PHACTR1: variants seen among roughly 807,000 people sequenced by gnomAD.
PHACTR1 encodes the protein phosphatase and actin regulator 1.
PHACTR1 carries 16 observed loss-of-function variants against 69.2 expected under a neutral mutation model. That is an observed-to-expected ratio of 0.23 (90% CI 0.16 to 0.35). The LOEUF (loss-of-function observed/expected upper bound fraction) is 0.35. Among genes scored for constraint, PHACTR1 ranks in the 10% least tolerant of loss-of-function variants. The pLI is 1.00. For missense variants in PHACTR1, 510 were observed against 734.7 expected, an observed-to-expected ratio of 0.69 and a Z score of 3.54; for synonymous variants, 312 against 284.5, an observed-to-expected ratio of 1.10 and a Z score of -0.97.
chr6:13,085,698 T>TA (rs1296924426), intron 5 of PHACTR1, among the ~76,000 whole-genome samples: 4 of 152,038 alleles, frequency 2.6e-5, no homozygotes, highest in Non-Finnish European at 5.9e-5. Flanking sequence ...TATAGAAAGC[T>TA]AAAATGCATG....
At chr6:12,838,391 T>C (rs191185605) in intron 4 of PHACTR1, among the ~76,000 whole-genome samples, 8 of 152,306 alleles carry the variant, frequency 5.3e-5, no homozygotes, top group Admixed American at 4.6e-4. Flanking sequence ...CTCACCACCC[T>C]TCCTTGTTTC....
chr6:13,066,747 G>C (rs1003412364), intron 5 of PHACTR1, among the ~76,000 whole-genome samples: 1 of 152,136 alleles, frequency 6.6e-6, no homozygotes, highest in African/African-American at 2.4e-5. Context: ...TGCGAGGAAA[G>C]CTGGGCCCCT....
intron 4 of PHACTR1, among the ~76,000 whole-genome samples, chr6:12,984,682 A>G (rs546739653): frequency 6.6e-6 from 1 of 152,328 alleles, no homozygotes; most frequent in South Asian, 2.1e-4. Context: ...CATTTATAGG[A>G]TATTAGCTAA....
intron 8 of PHACTR1, among the ~76,000 whole-genome samples, chr6:13,207,927 G>C (rs1766182564): frequency 6.6e-6 from 1 of 152,058 alleles, no homozygotes; most frequent in African/African-American, 2.4e-5. Flanking sequence ...CCTGTCAGCT[G>C]AGTATTCTGC....
rs149530372 is a variant in PHACTR1, at chr6:13,168,349, C to T, written c.496+8065C>T. ...ATAAAGAGCAATTGTGATAACAATT[C>T]TCTTAAGCAACACTGTTCTTTCAGA... On this transcript the variant is annotated intron_variant, in intron 6 of 14. Transcript: ENST00000332995. Among the ~76,000 whole-genome samples, 446 of 152,350 alleles carry T rather than the reference C, an allele frequency of 2.9e-3. 7 individuals are homozygous for T. Among genetic ancestry groups the T allele is most frequent in the Middle Eastern group, 0.01 (3 of 294 alleles).
intron 4 of PHACTR1, among the ~76,000 whole-genome samples, chr6:12,893,204 T>G (rs189916416): frequency 6.6e-6 from 1 of 152,194 alleles, no homozygotes; most frequent in Admixed American, 6.5e-5. Flanking sequence ...AAACCAGGGC[T>G]CCAAGAGGTC....
At position 12,860,613 on chromosome 6, in the gene PHACTR1, A is replaced by G. The variant is rs1272836594; in HGVS notation, c.250+110823A>G. On this transcript the variant is annotated intron_variant, in intron 4 of 14. Coordinates refer to ENST00000332995, the MANE Select transcript of PHACTR1 (RefSeq NM_030948.6). ...GTTGAACTAATTTACACTCCCACCA[A>G]CAGTGTAAAAGCATTCCTGTTTCTC... Among the ~76,000 whole-genome samples the G allele has an allele frequency of 3.9e-5, 6 of 152,222 alleles. No individual in the cohort carries two copies. The East Asian group carries it at 1.2e-3, about 29-fold the overall frequency.
intron 4 of PHACTR1, among the ~76,000 whole-genome samples, chr6:12,760,108 T>C (rs1338609708): frequency 6.6e-6 from 1 of 152,232 alleles, no homozygotes; most frequent in East Asian, 1.9e-4. Flanking sequence ...GTCCATTATG[T>C]TTCTCCTTCT....
chr6:12,883,124 A>G (rs980175697), intron 4 of PHACTR1, among the ~76,000 whole-genome samples: 1 of 152,146 alleles, frequency 6.6e-6, no homozygotes, highest in Non-Finnish European at 1.5e-5. Flanking sequence ...GAGCTTGACA[A>G]GAGGATCCCC....
chr6:12,830,258 C>G (rs1162725533), intron 4 of PHACTR1, among the ~76,000 whole-genome samples: 1 of 151,388 alleles, frequency 6.6e-6, no homozygotes, highest in Non-Finnish European at 1.5e-5. Flanking sequence ...GTTTGATACG[C>G]AGTGGACCTG....
chr6:12,811,558 T>A (rs528719159), intron 4 of PHACTR1, among the ~76,000 whole-genome samples: 10 of 152,346 alleles, frequency 6.6e-5, no homozygotes, highest in African/African-American at 2.4e-4. Context: ...TTATTTTATG[T>A]TTGCTATCTT....
intron 4 of PHACTR1, among the ~76,000 whole-genome samples, chr6:13,029,613 C>T (rs767795608): frequency 1.3e-5 from 2 of 152,180 alleles, no homozygotes; most frequent in Non-Finnish European, 2.9e-5. Flanking sequence ...TGAAATGAAG[C>T]TACGTAGCTA....
intron 4 of PHACTR1, among the ~76,000 whole-genome samples, chr6:12,823,378 A>G (rs555270059): frequency 2.6e-5 from 4 of 152,384 alleles, no homozygotes; most frequent in African/African-American, 9.6e-5. Flanking sequence ...GCACCCATTC[A>G]TGAAGTGAAC....
At chr6:13,182,443 C>G in intron 6 of PHACTR1, 76 bp from the exon 7 acceptor site, 1 of 1,487,760 alleles carries the variant, frequency 6.7e-7, no homozygotes, top group East Asian at 2.3e-5. Context: ...CATCTAGACT[C>G]AGCAGGCGGG....
chr6:13,053,994 A>T (rs200363112), intron 5 of PHACTR1, among the ~76,000 whole-genome samples: 3 of 94,860 alleles, frequency 3.2e-5, no homozygotes, highest in African/African-American at 1.2e-4. Context: ...AGGAAAACAA[A>T]GAATACAAAT....
chr6:13,278,460 T>C, intron 12 of PHACTR1, 131 bp downstream of exon 12: 2 of 740,492 alleles, frequency 2.7e-6, no homozygotes, highest in South Asian at 1.8e-5. Flanking sequence ...AGTGCCACTC[T>C]CTTACTCTAT....
At chr6:12,957,285 G>T in intron 4 of PHACTR1, 91 of 658,436 alleles carry the variant, frequency 1.4e-4, no homozygotes, top group Middle Eastern at 7.5e-4. Context: ...AGCCCAGGCT[G>T]TGAGTTCCAG....
chr6:12,911,614 A>G (rs1786400315), intron 4 of PHACTR1, among the ~76,000 whole-genome samples: 1 of 152,120 alleles, frequency 6.6e-6, no homozygotes, highest in East Asian at 1.9e-4. Context: ...CACAAAGATT[A>G]TCTAGTTCAA....
chr6:13,203,649 T>G (rs778113723), intron 7 of PHACTR1, among the ~76,000 whole-genome samples: 3 of 152,280 alleles, frequency 2.0e-5, no homozygotes, highest in Middle Eastern at 3.4e-3. Context: ...GAGGTGGATC[T>G]TGAAGGGCGA....
Sources: allele counts gnomAD v4.1 joint callset (sites outside exome capture counted in the v4.1 genomes callset), GRCh38; gene constraint gnomAD v4.1.1; transcripts MANE v1.5; gene names NCBI Gene and HGNC (gene_info 2026-07-23, HGNC 2026-07-21).